Variants in OS9 observed in about 807,000 individuals in gnomAD.
The protein encoded by OS9 is protein OS-9.
Under a neutral mutation model 84.7 loss-of-function variants are expected in OS9, and 58 were observed. That is an observed-to-expected ratio of 0.68 (90% CI 0.55 to 0.85). The LOEUF is 0.85. Ranked by LOEUF, OS9 falls within the 40% of genes least tolerant of loss-of-function variation. The probability of loss-of-function intolerance (pLI) is 0.00; values close to 1 mark genes in which losing one functional copy is unlikely to be tolerated. For missense variants in OS9, 760 were observed against 850.9 expected (o/e 0.89, Z 1.33); for synonymous variants, 278 against 320.8 (o/e 0.87, Z 1.43).
At chr12:57,704,530 C>T (rs1954113032) in intron 5 of OS9, among the ~76,000 whole-genome samples, 1 of 135,302 alleles carries the variant, frequency 7.4e-6, no homozygotes, top group Non-Finnish European at 1.7e-5. Flanking sequence ...GAGCAAGACT[C>T]CATCTCCAAA....
chr12:57,704,080 C>T (rs1954099421), intron 5 of OS9, among the ~76,000 whole-genome samples: 1 of 152,002 alleles, frequency 6.6e-6, no homozygotes, highest in Non-Finnish European at 1.5e-5. Flanking sequence ...TGGGTTTTTT[C>T]CCCTTCATTC....
rs775212278 is a variant in OS9 at position 57,717,930 on chromosome 12, T to C, written c.1106T>C (p.Ile369Thr). The C allele has an allele frequency of 6.8e-6, 11 of 1,612,266 alleles. No individual in the cohort carries two copies. The highest frequency in any genetic ancestry group is 1.1e-5 in the South Asian group (1 of 90,712). The change falls in exon 10 of 15, where the codon ATA becomes ACA. Residue 369 changes from isoleucine (I) to threonine (T), a missense_variant. Physicochemically the swap from Ile to Thr is moderately conservative, Grantham distance 89 (BLOSUM62 -1). Transcript: ENST00000315970. ...IRSPADLIRF[I>T]EELKGGTKKG... is the part of the protein sequence containing the mutation. ...AGCCCTGCGGATTTGATTCGATTCA[T>C]AGAGGAGCTGAAAGGTGGAACAAAA... is the stretch of plus-strand genomic sequence containing the variant.
At chr12:57,716,978 C>G (rs1386747250) in intron 9 of OS9, among the ~76,000 whole-genome samples, 2 of 152,066 alleles carry the variant, frequency 1.3e-5, no homozygotes, top group African/African-American at 4.8e-5. Flanking sequence ...ATTTTCTTAC[C>G]CATAAAATGA....
At chr12:57,720,683 A>T in intron 14 of OS9, 101 bp from the exon 15 acceptor site, 11 of 1,430,636 alleles carry the variant, frequency 7.7e-6, no homozygotes. Context: ...CCCTCAGGAC[A>T]TGGGTGTCCT....
In OS9 at chr12:57,697,808, C is replaced by T. The variant is rs1180505064; in HGVS notation, c.579+1435C>T. On this transcript the variant is annotated intron_variant, in intron 5 of 14. Coordinates refer to ENST00000315970, the MANE Select transcript of OS9 (RefSeq NM_006812.4). ...CAGATCTTTAAATGATTGGCCCCAT[C>T]CCCTCATTCAGGTTATATTCAAGTG... Among the ~76,000 whole-genome samples the T allele has an allele frequency of 2.0e-5, 3 of 150,788 alleles. No individual in the cohort carries two copies. In the Admixed American group the frequency reaches 2.0e-4, roughly 10 times the overall value.
At chr12:57,707,753 T>C (rs1038725008) in intron 5 of OS9, among the ~76,000 whole-genome samples, 5 of 152,144 alleles carry the variant, frequency 3.3e-5, no homozygotes, top group Non-Finnish European at 7.3e-5. Context: ...CTTTGTGTTA[T>C]TCTGATTTCT....
chr12:57,694,978 C>T (rs1953783030), intron 2 of OS9, 52 bp downstream of exon 2: 19 of 1,534,584 alleles, frequency 1.2e-5, no homozygotes, highest in Non-Finnish European at 1.5e-5. Context: ...AGCAGTTCAT[C>T]CAAGAACTGG....
chr12:57,720,897 A>G lies in OS9; in HGVS notation c.1992A>G (p.Glu664=), dbSNP rs1427328728. 1.2e-6 allele frequency: 2 copies of G among 1,613,978 alleles called. No homozygotes were observed. The highest frequency in any genetic ancestry group is 1.7e-6 in the Non-Finnish European group (2 of 1,179,984). ...PGGEGTGDLD[E]FDF is the part of the protein sequence containing the mutation. ...GGGAGGGCACAGGGGACCTGGACGA[A>G]TTTGACTTCTGAGACCAACACTACA... The change falls in exon 15 of 15, where the codon GAA becomes GAG. Residue 664 remains glutamate (E), a synonymous_variant. Transcript: ENST00000315970.
chr12:57,711,329 G>T (rs1954324017), intron 5 of OS9, among the ~76,000 whole-genome samples: 1 of 143,638 alleles, frequency 7.0e-6, no homozygotes. Context: ...TCTTTCAATG[G>T]CAGTATATCT....
chr12:57,699,984 A>G (rs570972153), intron 5 of OS9, among the ~76,000 whole-genome samples: 3 of 152,058 alleles, frequency 2.0e-5, no homozygotes, highest in African/African-American at 4.8e-5. Context: ...AATCCCAGCT[A>G]CTCGGGAGGC....
intron 5 of OS9, among the ~76,000 whole-genome samples, chr12:57,697,189 G>T (rs1953873091): frequency 6.6e-6 from 1 of 152,162 alleles, no homozygotes; most frequent in African/African-American, 2.4e-5. Flanking sequence ...TGTAATGTTT[G>T]CCAATGCCTG....
chr12:57,705,145 A>G (rs966153101), intron 5 of OS9, among the ~76,000 whole-genome samples: 3 of 152,156 alleles, frequency 2.0e-5, no homozygotes, highest in African/African-American at 7.2e-5. Flanking sequence ...TTTAATTACT[A>G]TAGCTTTTTC....
At chr12:57,705,015 CCT>C (rs1269701675) in intron 5 of OS9, among the ~76,000 whole-genome samples, 16 of 152,206 alleles carry the variant, frequency 1.1e-4, no homozygotes, top group African/African-American at 3.9e-4. Context: ...TCCATACATT[CCT>C]CTCTGATTTG....
intron 5 of OS9, among the ~76,000 whole-genome samples, chr12:57,697,920 C>CAT (rs1565767072): frequency 2.5e-5 from 2 of 81,062 alleles, no homozygotes; most frequent in African/African-American, 9.1e-5. Context: ...CACACACACA[C>CAT]ACATACACAC....
chr12:57,694,694 C>G lies in OS9; in HGVS notation c.163-56C>G, dbSNP rs765749957. ...GTTTGAAGAGGGATTTCGTTGTTCT[C>G]CCTGATCCCAGCCTTTCTTTGCTTC... On this transcript the variant is annotated intron_variant, in intron 1 of 14. Transcript: ENST00000315970. The G allele has an allele frequency of 3.8e-6, 6 of 1,563,128 alleles. No homozygotes were observed. In the Admixed American group the frequency reaches 5.0e-5, roughly 13 times the overall value.
chr12:57,697,752 C>T (rs1194989526), intron 5 of OS9, among the ~76,000 whole-genome samples: 4 of 152,096 alleles, frequency 2.6e-5, no homozygotes, highest in South Asian at 2.1e-4. Context: ...CAGTGGGTCT[C>T]ATTGTTCCCT....
At chr12:57,715,440 A>G (rs915719518) in intron 5 of OS9, among the ~76,000 whole-genome samples, 1 of 152,216 alleles carries the variant, frequency 6.6e-6, no homozygotes, top group Non-Finnish European at 1.5e-5. Context: ...TATTTATACA[A>G]AACAAGAATA....
At chr12:57,720,373 C>T (rs201855428) in intron 13 of OS9, 33 bp from the exon 14 acceptor site, 2 of 1,598,252 alleles carry the variant, frequency 1.3e-6, no homozygotes, top group Admixed American at 1.7e-5. Flanking sequence ...TCCCAACCAT[C>T]CTCTCCTCTC....
chr12:57,696,832 C>T (rs1359733928), intron 5 of OS9, among the ~76,000 whole-genome samples: 1 of 151,818 alleles, frequency 6.6e-6, no homozygotes, highest in African/African-American at 2.4e-5. Context: ...ACATTATTTC[C>T]AGGCCGGGCA....
Sources: gnomAD v4.1 joint callset for allele counts (sites outside exome capture counted in the v4.1 genomes callset) on GRCh38, gnomAD v4.1.1 for gene constraint, MANE v1.5 for transcripts, NCBI Gene and HGNC (gene_info 2026-07-23, HGNC 2026-07-21) for gene names.